ZMAT3: variants seen among roughly 807,000 people sequenced by gnomAD.
The protein encoded by ZMAT3 is zinc finger matrin-type 3.
In ZMAT3, 17 loss-of-function variants were observed where a neutral mutation model predicts 32.3. The observed-to-expected ratio is 0.53, with a 90% CI of 0.36 to 0.79. ZMAT3 has a LOEUF of 0.79. Among genes scored for constraint, ZMAT3 ranks in the 30% least tolerant of loss-of-function variants. ZMAT3 has a pLI of 0.00. For missense variants in ZMAT3, 329 were observed against 359.7 expected, an observed-to-expected ratio of 0.91 and a Z score of 0.69; for synonymous variants, 120 against 133.1, an observed-to-expected ratio of 0.90 and a Z score of 0.68.
chr3:179,064,667 A>G (rs9878734), intron 2 of ZMAT3, among the ~76,000 whole-genome samples: 140,637 of 152,228 alleles, frequency 0.92, 65,034 homozygotes, highest in African/African-American at 0.96. Flanking sequence ...CTGAACGCAA[A>G]CTATCTTCCC....
intron 2 of ZMAT3, among the ~76,000 whole-genome samples, chr3:179,035,702 A>G (rs1358241304): frequency 6.6e-6 from 1 of 152,206 alleles, no homozygotes; most frequent in Non-Finnish European, 1.5e-5. Context: ...AATGCCTAGA[A>G]TAGTTTCCAG....
chr3:179,027,345 T>C, intron 5 of ZMAT3, 78 bp downstream of exon 5: 1 of 1,302,648 alleles, frequency 7.7e-7, no homozygotes, highest in Non-Finnish European at 1.1e-6. Context: ...CAGGGCTATC[T>C]ATTATCATTA....
chr3:179,049,947 G>A (rs575776960), intron 2 of ZMAT3, among the ~76,000 whole-genome samples: 5 of 125,730 alleles, frequency 4.0e-5, no homozygotes, highest in African/African-American at 5.9e-5. Flanking sequence ...AGACAAGATC[G>A]CGCCACTGCA....
rs147086451 is a variant in ZMAT3, at chr3:179,027,788, G to C, written c.415C>G (p.Arg139Gly). 6.2e-7 allele frequency: 1 copy of C among 1,612,318 alleles called. No homozygotes were observed. The highest frequency in any genetic ancestry group is 8.5e-7 in the Non-Finnish European group (1 of 1,179,654). Residue 139 changes from arginine to glycine, a missense_variant, in exon 4 of 6, where the codon CGA (arginine) becomes GGA (glycine). Coordinates refer to ENST00000311417, the MANE Select transcript of ZMAT3 (RefSeq NM_022470.4). ...PQMGSFKPGG[R>G]VILATENDYC... ...TCATTCTCCGTGGCCAGGATCACTCGGCCTCCTGGCTTAAAGGAGCCCATC... is the reference window on the plus strand; with the variant it reads ...TCATTCTCCGTGGCCAGGATCACTCCGCCTCCTGGCTTAAAGGAGCCCATC...
intron 2 of ZMAT3, among the ~76,000 whole-genome samples, chr3:179,042,928 AACAG>A (rs1720032706): frequency 6.6e-6 from 1 of 152,216 alleles, no homozygotes; most frequent in Non-Finnish European, 1.5e-5. Context: ...ATACACCAAT[AACAG>A]ACAAACAGAG....
chr3:179,051,084 G>A (rs1245854797), intron 2 of ZMAT3, among the ~76,000 whole-genome samples: 1 of 152,186 alleles, frequency 6.6e-6, no homozygotes, highest in African/African-American at 2.4e-5. Flanking sequence ...AGCAAGACAA[G>A]GATGCCCACT....
At chr3:179,035,485 T>A (rs1373019767) in intron 2 of ZMAT3, among the ~76,000 whole-genome samples, 1 of 152,172 alleles carries the variant, frequency 6.6e-6, no homozygotes, top group Non-Finnish European at 1.5e-5. Context: ...TCACTCACTC[T>A]CAAGTGTCAC....
intron 2 of ZMAT3, among the ~76,000 whole-genome samples, chr3:179,066,738 C>T (rs1279519808): frequency 3.3e-5 from 5 of 152,120 alleles, no homozygotes; most frequent in African/African-American, 4.8e-5. Context: ...AATATTGTAC[C>T]GTCTCTTGCT....
chr3:179,068,511 C>CA (rs61604639), intron 1 of ZMAT3, among the ~76,000 whole-genome samples: 6,549 of 137,058 alleles, frequency 0.048, 385 homozygotes, highest in African/African-American at 0.14. Context: ...GACTGTGACT[C>CA]AAAAAAAAAA....
intron 5 of ZMAT3, among the ~76,000 whole-genome samples, chr3:179,025,825 C>G (rs1718837394): frequency 6.6e-6 from 1 of 152,136 alleles, no homozygotes; most frequent in Non-Finnish European, 1.5e-5. Flanking sequence ...GATCCCATTT[C>G]TATTTTAAAG....
chr3:179,027,827 A>G lies in ZMAT3; in HGVS notation c.391-15T>C. On this transcript the variant is annotated splice_polypyrimidine_tract_variant and intron_variant, in intron 3 of 5. Transcript: ENST00000311417. The stretch of plus-strand genomic sequence containing the variant: ...AAGGAGCCCATCTGACATCAAAGAC[A>G]CAAGAAGAAACAAAGTTAAAAAAAA... The G allele has an allele frequency of 7.6e-6, 12 of 1,582,658 alleles. No individual in the cohort carries two copies. The highest frequency in any genetic ancestry group is 1.0e-5 in the Non-Finnish European group (12 of 1,168,976).
chr3:179,061,135 G>T (rs150642423), intron 2 of ZMAT3, among the ~76,000 whole-genome samples: 18 of 151,826 alleles, frequency 1.2e-4, no homozygotes, highest in Non-Finnish European at 2.2e-4. Context: ...AACAAAACAA[G>T]ATTTAAAAAA....
In ZMAT3 at chr3:179,046,895, CA is replaced by C. The variant is rs1477441105; in HGVS notation, c.271-15897del. Among the ~76,000 whole-genome samples, 1 of 152,186 alleles carries C rather than the reference CA, an allele frequency of 6.6e-6. No individual in the cohort carries two copies. The highest frequency in any genetic ancestry group is 1.5e-5 in the Non-Finnish European group (1 of 68,032). The stretch of plus-strand genomic sequence containing the variant: ...ACCTCAGACATGCCTAACCCTGCCC[CA>C]ACCCGATGGTCTTCTCTACCCACAC... On this transcript the variant is annotated intron_variant, in intron 2 of 5. Transcript: ENST00000311417. The surrounding 1 kb of genome is among the most constrained non-coding windows in gnomAD (Gnocchi z 4.3).
At chr3:179,044,104 A>T (rs1283247106) in intron 2 of ZMAT3, among the ~76,000 whole-genome samples, 1 of 152,222 alleles carries the variant, frequency 6.6e-6, no homozygotes. Context: ...GAGAAATAGG[A>T]ACGCTTTACA....
chr3:179,039,665 G>A (rs900753336), intron 2 of ZMAT3, among the ~76,000 whole-genome samples: 2 of 152,186 alleles, frequency 1.3e-5, no homozygotes, highest in African/African-American at 4.8e-5. Flanking sequence ...AAATCAGAGT[G>A]CCTCCTCTCC....
At position 179,047,998 on chromosome 3, in the gene ZMAT3, G is replaced by A. The variant is rs568886137; in HGVS notation, c.271-16999C>T. 7.2e-5 allele frequency among the ~76,000 whole-genome samples: 11 copies of A among 152,258 alleles called. No homozygotes were observed. In the East Asian group the frequency reaches 2.1e-3, roughly 29 times the overall value. The stretch of plus-strand genomic sequence containing the variant: ...CACAACTTCTGGAAATGAAGGACAC[G>A]CTCAGAGAAATGCAAAATGCACTGA... On this transcript the variant is annotated intron_variant, in intron 2 of 5. Transcript: ENST00000311417.
intron 3 of ZMAT3, among the ~76,000 whole-genome samples, chr3:179,028,501 G>GCAA (rs2108537708): frequency 6.6e-6 from 1 of 152,308 alleles, no homozygotes; most frequent in Non-Finnish European, 1.5e-5. Flanking sequence ...ACATATATCA[G>GCAA]CAACAGTTGC....
intron 5 of ZMAT3, among the ~76,000 whole-genome samples, chr3:179,026,793 T>C (rs1214201261): frequency 1.3e-5 from 2 of 152,190 alleles, no homozygotes; most frequent in Admixed American, 6.5e-5. Context: ...TCTGCTGGCA[T>C]GTGCATGAAT....
At chr3:179,062,315 G>A (rs1253561143) in intron 2 of ZMAT3, among the ~76,000 whole-genome samples, 1 of 152,134 alleles carries the variant, frequency 6.6e-6, no homozygotes, top group Non-Finnish European at 1.5e-5. Context: ...GACAGGAGAG[G>A]AGAGGAGAAA....
Sources: allele counts gnomAD v4.1 joint callset (sites outside exome capture counted in the v4.1 genomes callset), GRCh38; gene constraint gnomAD v4.1.1; non-coding constraint Gnocchi (gnomAD v3.1); transcripts MANE v1.5; gene names NCBI Gene and HGNC (gene_info 2026-07-23, HGNC 2026-07-21).